Variants in HK1 observed in about 807,000 individuals in gnomAD.
HK1 encodes hexokinase-1.
In HK1, 28 loss-of-function variants were observed where a neutral mutation model predicts 91.6. The ratio of observed to expected loss-of-function variants is 0.31; its 90% confidence interval spans 0.23 to 0.42. HK1 has a LOEUF of 0.42. Ranked by LOEUF, HK1 falls within the 10% of genes least tolerant of loss-of-function variation. The pLI is 1.00. For missense variants in HK1, 770 were observed against 1,219.8 expected (o/e 0.63, Z 5.49); for synonymous variants, 430 against 468.1 (o/e 0.92, Z 1.05).
chr10:69,271,132 T>G (rs1268579329), intron 1 of HK1: 1 of 152,152 alleles, frequency 6.6e-6, no homozygotes, highest in Non-Finnish European at 1.5e-5. Context: ...AAGAAAGATA[T>G]ATAAATATCT....
At chr10:69,315,644 A>C, upstream of HK1, 1 of 448,306 alleles carries the variant, frequency 2.2e-6, no homozygotes, top group Admixed American at 3.4e-5. Flanking sequence ...CAGCACTGGA[A>C]CAACAGAGAG....
intron 4 of HK1, among the ~76,000 whole-genome samples, chr10:69,298,596 C>A (rs1845690668): frequency 6.6e-6 from 1 of 151,230 alleles, no homozygotes; most frequent in African/African-American, 2.5e-5. Flanking sequence ...CCCCTGCACC[C>A]CAGCGTGGGT....
At chr10:69,290,518 A>G (rs925864744) in intron 3 of HK1, among the ~76,000 whole-genome samples, 9 of 151,990 alleles carry the variant, frequency 5.9e-5, no homozygotes, top group Non-Finnish European at 1.2e-4. Context: ...TTGTTTTTGA[A>G]ACAGAATTTC....
intron 2 of HK1, 146 bp from the exon 3 acceptor site, chr10:69,359,751 G>A: frequency 1.3e-6 from 1 of 795,272 alleles, no homozygotes; most frequent in South Asian, 1.4e-5. Flanking sequence ...GTTGGATGAA[G>A]TTTGCATGAT....
intron 1 of HK1, among the ~76,000 whole-genome samples, chr10:69,271,773 G>A (rs952555558): frequency 6.6e-6 from 1 of 152,026 alleles, no homozygotes; most frequent in Admixed American, 6.6e-5. Context: ...CACTGCACCC[G>A]GCCTGACAAT....
intron 5 of HK1, among the ~76,000 whole-genome samples, chr10:69,306,080 G>GGT (rs1564497830): frequency 3.3e-5 from 5 of 152,188 alleles, no homozygotes; most frequent in South Asian, 2.1e-4. Flanking sequence ...GGTGGGGCTG[G>GGT]GCACGGTGGC....
chr10:69,319,740 G>A (rs934513443), intron 1 of HK1, among the ~76,000 whole-genome samples: 11 of 152,240 alleles, frequency 7.2e-5, no homozygotes, highest in African/African-American at 2.7e-4. Flanking sequence ...CTAGCACTTG[G>A]ACGCATGCAT....
At chr10:69,300,572 G>T in intron 4 of HK1, 2 of 697,620 alleles carry the variant, frequency 2.9e-6, no homozygotes, top group Non-Finnish European at 5.1e-6. Flanking sequence ...CTAGATCTTT[G>T]AGTTGCACAT....
chr10:69,324,977 A>T (rs990335106), intron 1 of HK1, among the ~76,000 whole-genome samples: 1 of 152,068 alleles, frequency 6.6e-6, no homozygotes, highest in Non-Finnish European at 1.5e-5. Context: ...TAAACAGTAC[A>T]CATCAGGGAT....
intron 1 of HK1, among the ~76,000 whole-genome samples, chr10:69,334,040 G>A (rs1847859563): frequency 6.6e-6 from 1 of 152,152 alleles, no homozygotes; most frequent in South Asian, 2.1e-4. Flanking sequence ...GAACCCGGGA[G>A]GTGGAGTTTG....
chr10:69,377,175 G>A, intron 8 of HK1, 86 bp downstream of exon 8: 1 of 1,518,950 alleles, frequency 6.6e-7, no homozygotes. Context: ...GTCCAAGTTT[G>A]GTGGCTTTTC....
chr10:69,371,771 TA>T (rs1359033717), intron 7 of HK1, among the ~76,000 whole-genome samples: 11 of 152,350 alleles, frequency 7.2e-5, no homozygotes, highest in Non-Finnish European at 8.8e-5. Flanking sequence ...ATCCCAAGGC[TA>T]AACTATAAAC....
At chr10:69,313,699 G>A (rs989955073), upstream of HK1, among the ~76,000 whole-genome samples, 2 of 152,074 alleles carry the variant, frequency 1.3e-5, no homozygotes, top group Non-Finnish European at 2.9e-5. Flanking sequence ...GTTTCTCCAT[G>A]TTGGTCAGTC....
intron 3 of HK1, among the ~76,000 whole-genome samples, chr10:69,290,252 CCCCTGGTCAGCCCTT>C (rs1845237070): frequency 6.6e-6 from 1 of 151,144 alleles, no homozygotes; most frequent in South Asian, 2.1e-4. Context: ...TGAAGACTTT[CCCCTGGTCAGCCCTT>C]GGGTGGCAAA....
chr10:69,351,203 AT>A (rs1848850034), intron 2 of HK1, among the ~76,000 whole-genome samples: 2 of 146,520 alleles, frequency 1.4e-5, no homozygotes, highest in Admixed American at 6.9e-5. Flanking sequence ...AAATAAATAA[AT>A]AAATAAATAA....
intron 5 of HK1, among the ~76,000 whole-genome samples, chr10:69,304,346 C>T (rs545078294): frequency 2.6e-5 from 4 of 151,750 alleles, no homozygotes; most frequent in East Asian, 1.9e-4. Flanking sequence ...CTCGCTCTAT[C>T]GCCCAGAATG....
intron 8 of HK1, among the ~76,000 whole-genome samples, chr10:69,379,009 G>T (rs1839254865): frequency 6.6e-6 from 1 of 152,136 alleles, no homozygotes; most frequent in Non-Finnish European, 1.5e-5. Flanking sequence ...CTTGTATATT[G>T]TTTGTTTGAG....
chr10:69,344,912 G>A (rs1181955373), intron 2 of HK1, among the ~76,000 whole-genome samples: 2 of 152,258 alleles, frequency 1.3e-5, no homozygotes, highest in South Asian at 2.1e-4. Flanking sequence ...AGGAAGTCAG[G>A]TTTCCCTTGG....
Position 69,271,639 on chromosome 10 carries a change from G to A in HK1, c.-391+1531G>A, listed in dbSNP as rs796935323. Among the ~76,000 whole-genome samples, 6 of 151,664 alleles carry A rather than the reference G, an allele frequency of 4.0e-5. No individual in the cohort carries two copies. In the South Asian group the frequency reaches 6.3e-4, roughly 16 times the overall value. On this transcript the variant is annotated intron_variant, in intron 1 of 21. Transcript: ENST00000360289. ...ACTACAGGTGCCTCCCACCACGCCC[G>A]GCTAATTTTTTGCATTTTTATTAGA...
Sources: gnomAD v4.1 joint callset for allele counts (sites outside exome capture counted in the v4.1 genomes callset) on GRCh38, gnomAD v4.1.1 for gene constraint, MANE v1.5 for transcripts, NCBI Gene and HGNC (gene_info 2026-07-23, HGNC 2026-07-21) for gene names.